The following ADAM22 variants were observed in gnomAD, a reference collection of about 807,000 sequenced individuals.
ADAM22 encodes disintegrin and metalloproteinase domain-containing protein 22.
Under a neutral mutation model 144.6 loss-of-function variants are expected in ADAM22, and 65 were observed. That is an observed-to-expected ratio of 0.45 (90% confidence interval 0.37 to 0.55). The LOEUF (loss-of-function observed/expected upper bound fraction) is 0.55, where lower values mean the gene tolerates loss of function less well. ADAM22 is among the 20% of genes least tolerant of loss of function. The pLI is 0.00. For synonymous variants in ADAM22, 391 were observed against 412.6 expected (o/e 0.95, Z 0.63); for missense variants, 974 against 1,184.9 (o/e 0.82, Z 2.61).
intron 3 of ADAM22, among the ~76,000 whole-genome samples, chr7:88,020,822 A>G (rs1372906859): frequency 6.6e-6 from 1 of 152,202 alleles, no homozygotes; most frequent in Non-Finnish European, 1.5e-5. Flanking sequence ...GACCATTTAC[A>G]AAAGCATGGG....
In ADAM22 at chr7:88,153,250, G is replaced by A; in HGVS notation, c.1711G>A (p.Glu571Lys). 6.2e-7 allele frequency: 1 copy of A among 1,613,516 alleles called. No homozygotes were observed. The highest frequency in any genetic ancestry group is 8.5e-7 in the Non-Finnish European group (1 of 1,179,730). The change falls in exon 21 of 32, where the codon GAG (glutamate) becomes AAG (lysine). Residue 571 changes from glutamate to lysine, a missense_variant. This residue lies in a region of ADAM22 where 734 missense variants were observed against 950.6 expected (regional missense o/e 0.77). Coordinates refer to ENST00000413139, the MANE Select transcript of ADAM22 (RefSeq NM_001324418.2). ...GACAGCATCAGACAAATATTGCTATGAGAAACTGAATATTGAAGGGACGGA... is the reference window on the plus strand; with the variant it reads ...GACAGCATCAGACAAATATTGCTATAAGAAACTGAATATTGAAGGGACGGA... ...KVTASDKYCY[E>K]KLNIEGTEKG...
chr7:88,074,814 A>C (rs932350390), intron 3 of ADAM22, among the ~76,000 whole-genome samples: 9 of 152,202 alleles, frequency 5.9e-5, no homozygotes, highest in Non-Finnish European at 1.2e-4. Context: ...GTGCTCAAAA[A>C]TGCACATTTT....
chr7:88,068,865 CTACATG>C (rs1811970172), intron 3 of ADAM22, among the ~76,000 whole-genome samples: 1 of 152,068 alleles, frequency 6.6e-6, no homozygotes, highest in Admixed American at 6.6e-5. Context: ...AAGGAGAATT[CTACATG>C]CATGAAAATG....
intron 3 of ADAM22, among the ~76,000 whole-genome samples, chr7:88,073,186 A>G (rs957310376): frequency 1.3e-5 from 2 of 152,212 alleles, no homozygotes; most frequent in Non-Finnish European, 2.9e-5. Context: ...GTGGCCATAT[A>G]ATGTAATTCT....
chr7:88,098,560 C>T (rs550558575), intron 4 of ADAM22, among the ~76,000 whole-genome samples: 1 of 152,138 alleles, frequency 6.6e-6, no homozygotes, highest in Admixed American at 6.5e-5. Flanking sequence ...TGGTTGGTGT[C>T]CTTACCAGAG....
chr7:87,957,239 G>A (rs1562850892), intron 2 of ADAM22, among the ~76,000 whole-genome samples: 1 of 152,104 alleles, frequency 6.6e-6, no homozygotes, highest in Non-Finnish European at 1.5e-5. Context: ...TAATATTAGG[G>A]ACATCTGGAT....
intron 3 of ADAM22, among the ~76,000 whole-genome samples, chr7:88,040,281 G>A (rs929965340): frequency 6.6e-6 from 1 of 151,888 alleles, no homozygotes; most frequent in Admixed American, 6.6e-5. Flanking sequence ...ACAGGAACCC[G>A]CCACCATACC....
chr7:88,196,824 T>C lies in ADAM22; in HGVS notation c.*333T>C. On this transcript the variant is annotated 3_prime_UTR_variant, in exon 32 of 32. Coordinates refer to ENST00000413139, the MANE Select transcript of ADAM22 (RefSeq NM_001324418.2). ...CTCACATGACCCAAATGTAGCAAGTTTCCTAAGGTACAATAGTGGATTCAG... is the reference window on the plus strand; with the variant it reads ...CTCACATGACCCAAATGTAGCAAGTCTCCTAAGGTACAATAGTGGATTCAG... 1 of 312,484 alleles carries C rather than the reference T, an allele frequency of 3.2e-6. No individual in the cohort carries two copies. Among genetic ancestry groups the C allele is most frequent in the Non-Finnish European group, 6.1e-6 (1 of 163,012 alleles). The allele number at this position is 312,484 out of a possible 1,614,324, so 19.4% of individuals were successfully genotyped here.
chr7:88,067,370 A>G (rs934623174), intron 3 of ADAM22, among the ~76,000 whole-genome samples: 5 of 151,560 alleles, frequency 3.3e-5, no homozygotes, highest in African/African-American at 1.2e-4. Context: ...AGCATTAGGT[A>G]TATCTCCTAA....
chr7:88,146,649 T>C (rs1836538491), intron 17 of ADAM22, among the ~76,000 whole-genome samples: 2 of 152,242 alleles, frequency 1.3e-5, no homozygotes, highest in Non-Finnish European at 2.9e-5. Flanking sequence ...CTCTCTGAGA[T>C]AATGCTCACA....
In ADAM22 at chr7:88,006,807, C is replaced by A. The variant is rs1034337911; in HGVS notation, c.323+28395C>A. On this transcript the variant is annotated intron_variant, in intron 3 of 31. Transcript: ENST00000413139. Reference sequence around the variant, plus strand: ...CACAGCCAATATCATACTGAATGGGCAAAAACTGGAAGTATTCCCTTTGAA... The same window carrying A: ...CACAGCCAATATCATACTGAATGGGAAAAAACTGGAAGTATTCCCTTTGAA... 7.7e-4 allele frequency among the ~76,000 whole-genome samples: 117 copies of A among 151,048 alleles called. 1 individual carries two copies. The highest frequency in any genetic ancestry group is 1.5e-3 in the Non-Finnish European group (100 of 67,762).
intron 8 of ADAM22, among the ~76,000 whole-genome samples, chr7:88,126,321 C>G (rs1313992165): frequency 1.3e-5 from 2 of 151,922 alleles, no homozygotes; most frequent in African/African-American, 4.8e-5. Context: ...CCATCAGAAT[C>G]AAGATATCAC....
intron 3 of ADAM22, among the ~76,000 whole-genome samples, chr7:88,016,607 C>A (rs775505377): frequency 1.3e-5 from 2 of 152,092 alleles, no homozygotes; most frequent in Non-Finnish European, 2.9e-5. Context: ...AATTGTAAAA[C>A]CACTGTATGA....
chr7:88,122,920 T>C (rs1829639500), intron 7 of ADAM22, among the ~76,000 whole-genome samples: 1 of 152,210 alleles, frequency 6.6e-6, no homozygotes, highest in African/African-American at 2.4e-5. Context: ...GTAGCACATA[T>C]TTGCATCTGA....
intron 3 of ADAM22, among the ~76,000 whole-genome samples, chr7:88,050,999 C>A (rs1036806380): frequency 3.3e-5 from 5 of 152,254 alleles, no homozygotes; most frequent in African/African-American, 1.2e-4. Context: ...TTAGGTCTGA[C>A]ATTTAAGTCT....
intron 3 of ADAM22, among the ~76,000 whole-genome samples, chr7:87,992,820 T>G (rs921302256): frequency 1.3e-5 from 2 of 152,150 alleles, no homozygotes; most frequent in African/African-American, 4.8e-5. Context: ...TTGTCATTCT[T>G]GGGTCCAGAA....
intron 3 of ADAM22, among the ~76,000 whole-genome samples, chr7:88,044,209 A>T (rs565180891): frequency 2.0e-5 from 3 of 152,186 alleles, no homozygotes; most frequent in Non-Finnish European, 4.4e-5. Context: ...TGATAATTCA[A>T]TTATTTGAAG....
chr7:88,181,652 A>G (rs931512533), intron 28 of ADAM22, 47 bp downstream of exon 28: 6 of 1,497,158 alleles, frequency 4.0e-6, no homozygotes, highest in East Asian at 2.3e-5. Flanking sequence ...ATCAAGTTCT[A>G]TATTCTGTGG....
intron 4 of ADAM22, among the ~76,000 whole-genome samples, chr7:88,084,891 T>G (rs2129483776): frequency 6.6e-6 from 1 of 152,324 alleles, no homozygotes; most frequent in African/African-American, 2.4e-5. Context: ...CAGGGTTGGT[T>G]TCTGCCGAGG....
Sources: allele counts gnomAD v4.1 joint callset (sites outside exome capture counted in the v4.1 genomes callset), GRCh38; gene constraint gnomAD v4.1.1; regional missense constraint gnomAD v4.1.1; transcripts MANE v1.5; gene names NCBI Gene and HGNC (gene_info 2026-07-23, HGNC 2026-07-21).